The following ADAMTS16 variants were observed in gnomAD, a reference collection of about 807,000 sequenced individuals.
ADAMTS16 encodes the protein ADAM metallopeptidase with thrombospondin type 1 motif 16.
ADAMTS16 carries 94 observed loss-of-function variants against 145.8 expected under a neutral mutation model. The observed-to-expected ratio is 0.64, with a 90% CI of 0.55 to 0.77. The LOEUF (loss-of-function observed/expected upper bound fraction) is 0.77. Ranked by LOEUF, ADAMTS16 falls within the 30% of genes least tolerant of loss-of-function variation. The probability of loss-of-function intolerance (pLI) is 0.00; values close to 1 mark genes in which losing one functional copy is unlikely to be tolerated. For missense variants in ADAMTS16, 1,585 were observed against 1,591.5 expected, an observed-to-expected ratio of 1.00 and a Z score of 0.07; for synonymous variants, 659 against 604.3, an observed-to-expected ratio of 1.09 and a Z score of -1.33.
At chr5:5,263,773 G>A (rs1008102647) in intron 18 of ADAMTS16, among the ~76,000 whole-genome samples, 3 of 152,282 alleles carry the variant, frequency 2.0e-5, no homozygotes, top group Middle Eastern at 3.4e-3. Flanking sequence ...AGGTGTGTTC[G>A]CAGCTCAGTC....
chr5:5,231,872 G>A (rs2126368240), intron 11 of ADAMTS16, among the ~76,000 whole-genome samples: 1 of 152,268 alleles, frequency 6.6e-6, no homozygotes, highest in South Asian at 2.1e-4. Context: ...ATCGTCCCAA[G>A]GCTCCGAGCC....
chr5:5,140,628 G>C, intron 1 of ADAMTS16, 36 bp from the exon 2 acceptor site: 1 of 1,529,850 alleles, frequency 6.5e-7, no homozygotes, highest in Non-Finnish European at 8.7e-7. Flanking sequence ...CGCGGACCCC[G>C]CCGTCTCACC....
intron 7 of ADAMTS16, 54 bp downstream of exon 7, chr5:5,190,184 C>T (rs559972741): frequency 6.0e-6 from 9 of 1,495,274 alleles, no homozygotes; most frequent in East Asian, 4.8e-5. Flanking sequence ...CACCCCTGGC[C>T]GTGACACAGT....
At chr5:5,292,911 C>T (rs1473125375) in intron 18 of ADAMTS16, among the ~76,000 whole-genome samples, 1 of 152,194 alleles carries the variant, frequency 6.6e-6, no homozygotes, top group Non-Finnish European at 1.5e-5. Flanking sequence ...GGTGCCTGGC[C>T]CATGGGCCCC....
At chr5:5,299,720 C>G (rs1739694096) in intron 18 of ADAMTS16, among the ~76,000 whole-genome samples, 1 of 152,072 alleles carries the variant, frequency 6.6e-6, no homozygotes, top group South Asian at 2.1e-4. Context: ...AGTGGAGGTC[C>G]TGAGGGCCAG....
chr5:5,160,697 C>G (rs1165542560), intron 3 of ADAMTS16, among the ~76,000 whole-genome samples: 1 of 150,588 alleles, frequency 6.6e-6, no homozygotes, highest in Non-Finnish European at 1.5e-5. Context: ...TTTACATTTA[C>G]TTAAACTAGT....
At chr5:5,163,145 A>C (rs1382127047) in intron 3 of ADAMTS16, among the ~76,000 whole-genome samples, 1 of 152,196 alleles carries the variant, frequency 6.6e-6, no homozygotes, top group Non-Finnish European at 1.5e-5. Flanking sequence ...TTATTTATTT[A>C]TTCACTTATT....
rs113713389 is a variant in ADAMTS16 at position 5,270,071 on chromosome 5, A to C, written c.2789+7288A>C. On this transcript the variant is annotated intron_variant, in intron 18 of 22. Transcript: ENST00000274181. ...TGTTCATATTGCCCTCTGAAAGGGGAAACTTTGAGACAATACAGAAGCCTC... is the reference window on the plus strand; with the variant it reads ...TGTTCATATTGCCCTCTGAAAGGGGCAACTTTGAGACAATACAGAAGCCTC... Among the ~76,000 whole-genome samples the C allele has an allele frequency of 7.6e-4, 116 of 152,250 alleles. 1 individual carries two copies. The highest frequency in any genetic ancestry group is 2.6e-3 in the African/African-American group (106 of 41,544).
intron 18 of ADAMTS16, among the ~76,000 whole-genome samples, chr5:5,294,108 G>A (rs1739438229): frequency 6.6e-6 from 1 of 152,196 alleles, no homozygotes. Context: ...GCAGAGTGGA[G>A]ATTAGCTTTT....
chr5:5,307,854 T>C (rs1224328172), intron 21 of ADAMTS16, among the ~76,000 whole-genome samples: 1 of 152,162 alleles, frequency 6.6e-6, no homozygotes, highest in East Asian at 1.9e-4. Context: ...CTGGGGTCCT[T>C]GGGTCCTAGA....
intron 3 of ADAMTS16, among the ~76,000 whole-genome samples, chr5:5,166,476 C>T (rs762842621): frequency 6.6e-6 from 1 of 152,174 alleles, no homozygotes; most frequent in Non-Finnish European, 1.5e-5. Flanking sequence ...CCCAGAGAGC[C>T]TGGGGGAAAC....
At chr5:5,212,258 A>C (rs1400908792) in intron 10 of ADAMTS16, among the ~76,000 whole-genome samples, 1 of 142,462 alleles carries the variant, frequency 7.0e-6, no homozygotes, top group Non-Finnish European at 1.5e-5. Context: ...CCCAGGCTGG[A>C]GTGCAGTGGC....
chr5:5,251,138 T>C (rs528829135), intron 17 of ADAMTS16, among the ~76,000 whole-genome samples: 6 of 152,272 alleles, frequency 3.9e-5, no homozygotes, highest in Middle Eastern at 6.8e-3. Flanking sequence ...CATAAATAAA[T>C]GGAAAGTAAA....
chr5:5,266,807 T>C (rs1239520632), intron 18 of ADAMTS16, among the ~76,000 whole-genome samples: 1 of 152,226 alleles, frequency 6.6e-6, no homozygotes, highest in Non-Finnish European at 1.5e-5. Context: ...TCACTCTTAG[T>C]GGTTTGCTGT....
At chr5:5,253,026 A>G (rs1330769378) in intron 17 of ADAMTS16, among the ~76,000 whole-genome samples, 2 of 152,066 alleles carry the variant, frequency 1.3e-5, no homozygotes, top group Non-Finnish European at 1.5e-5. Flanking sequence ...CCTTTTTCTT[A>G]AATGTGCTCA....
chr5:5,186,142 A>G lies in ADAMTS16; in HGVS notation c.854A>G (p.His285Arg), dbSNP rs749571307. The part of the protein sequence containing the change: ...LRHKRSLLRS[H>R]RNEELNVETL... Reference sequence around the variant, plus strand: ...CATAAGCGCTCTCTTCTGAGGTCCCATAGAAATGAAGAACTGAACGTGGAG... The same window carrying G: ...CATAAGCGCTCTCTTCTGAGGTCCCGTAGAAATGAAGAACTGAACGTGGAG... The change falls in exon 5 of 23, where the codon CAT (histidine) becomes CGT (arginine). Residue 285 changes from histidine (H) to arginine (R), a missense_variant. Around this residue, in one of 3 missense-constraint regions of ADAMTS16, gnomAD observed 453 missense variants for 412.1 expected, o/e 1.10. Coordinates refer to ENST00000274181, the MANE Select transcript of ADAMTS16 (RefSeq NM_139056.4). 5.1e-5 allele frequency: 83 copies of G among 1,614,070 alleles called. No homozygotes were observed. Among genetic ancestry groups the G allele is most frequent in the Non-Finnish European group, 6.8e-5 (80 of 1,180,048 alleles).
chr5:5,190,069 C>T lies in ADAMTS16; in HGVS notation c.1146C>T (p.His382=), dbSNP rs34105281. 0.03 allele frequency: 48,298 copies of T among 1,612,682 alleles called. 1,028 individuals are homozygous for T. Among genetic ancestry groups the T allele is most frequent in the South Asian group, 0.075 (6,761 of 90,620 alleles). ...LMGKDGTRHD[H]AILLTGLDIC... ...GGAAAGATGGGACTCGTCATGACCACGCCATCTTACTGACTGGTCTGGATA... is the reference window on the plus strand; with the variant it reads ...GGAAAGATGGGACTCGTCATGACCATGCCATCTTACTGACTGGTCTGGATA... The change falls in exon 7 of 23, where the codon CAC becomes CAT. Residue 382 remains histidine (H), a synonymous_variant. Transcript: ENST00000274181.
rs1268857230 is a variant in ADAMTS16, at chr5:5,305,059, C to T, written c.3186+1293C>T. Among the ~76,000 whole-genome samples the T allele has an allele frequency of 4.4e-3, 493 of 112,180 alleles. 25 individuals are homozygous for T. Among genetic ancestry groups the T allele is most frequent in the African/African-American group, 0.019 (473 of 25,524 alleles). The allele number at this position is 112,180 out of a possible 152,430, so 73.6% of individuals were successfully genotyped here. ...CATCCCACACCACACACACACATCC[C>T]ACACCACACACACACACACACATCC... On this transcript the variant is annotated intron_variant, in intron 20 of 22. Coordinates refer to ENST00000274181, the MANE Select transcript of ADAMTS16 (RefSeq NM_139056.4).
intron 18 of ADAMTS16, among the ~76,000 whole-genome samples, chr5:5,282,632 A>C (rs1738964359): frequency 6.6e-6 from 1 of 152,054 alleles, no homozygotes; most frequent in Non-Finnish European, 1.5e-5. Flanking sequence ...ACCTCTCAAC[A>C]CTTGTCTTTC....
Sources: gnomAD v4.1 joint callset for allele counts (sites outside exome capture counted in the v4.1 genomes callset) on GRCh38, gnomAD v4.1.1 for gene constraint, gnomAD v4.1.1 regional missense constraint, MANE v1.5 for transcripts, NCBI Gene and HGNC (gene_info 2026-07-23, HGNC 2026-07-21) for gene names.